CEMIP2: variants seen among roughly 807,000 people sequenced by gnomAD.
CEMIP2 encodes the protein cell migration inducing hyaluronidase 2, also known as cell surface hyaluronidase CEMIP2.
In CEMIP2, 79 loss-of-function variants were observed where a neutral mutation model predicts 146.9. That is an observed-to-expected ratio of 0.54 (90% CI 0.45 to 0.65). CEMIP2 has a LOEUF of 0.65. CEMIP2 is among the 30% of genes least tolerant of loss of function. The pLI, the probability that CEMIP2 is intolerant of heterozygous loss-of-function variation, is 0.00. For missense variants in CEMIP2, 1,596 were observed against 1,696.2 expected (o/e 0.94, Z 1.04); for synonymous variants, 601 against 606.3 (o/e 0.99, Z 0.13).
At position 71,728,283 on chromosome 9, in the gene CEMIP2, A is replaced by G. The variant is rs1347667429; in HGVS notation, c.2049+1562T>C. On this transcript the variant is annotated intron_variant, in intron 10 of 23. Transcript: ENST00000377044. ...CACGTATATATATATATATATATGT[A>G]TATATATATATATATATACATATAT... Among the ~76,000 whole-genome samples, 174 of 25,588 alleles carry G rather than the reference A, an allele frequency of 6.8e-3. 39 individuals carry two copies. The highest frequency in any genetic ancestry group is 0.018 in the African/African-American group (162 of 8,806). The allele number at this position is 25,588 out of a possible 152,430, so 16.8% of individuals were successfully genotyped here. A position where few individuals can be genotyped will look rare whatever the true frequency, so the allele number is the denominator to read the frequency against.
At chr9:71,697,031 T>TA (rs1368653252) in intron 20 of CEMIP2, among the ~76,000 whole-genome samples, 1 of 152,056 alleles carries the variant, frequency 6.6e-6, no homozygotes, top group South Asian at 2.1e-4. Context: ...TATTGCTTTT[T>TA]AAAAAAAATT....
intron 6 of CEMIP2, among the ~76,000 whole-genome samples, chr9:71,733,946 C>T (rs1027235): frequency 0.45 from 68,316 of 151,854 alleles, 18,176 homozygotes; most frequent in East Asian, 0.6. Context: ...TGGGTTCAAG[C>T]GATTCTCCTG....
chr9:71,695,689 CA>C lies in CEMIP2; in HGVS notation c.3598-1083del, dbSNP rs567820334. Reference sequence around the variant, plus strand: ...ACTCCATCTCAAAAAAAACAAAAAACAAAAAATAAACAGTCAAAATGATCCC... The same window carrying C: ...ACTCCATCTCAAAAAAAACAAAAAACAAAAATAAACAGTCAAAATGATCCC... On this transcript the variant is annotated intron_variant, in intron 20 of 23. Coordinates refer to ENST00000377044, the MANE Select transcript of CEMIP2 (RefSeq NM_013390.3). Among the ~76,000 whole-genome samples the C allele has an allele frequency of 6.5e-4, 99 of 152,040 alleles. No homozygotes were observed. In the South Asian group the frequency reaches 0.02, roughly 31 times the overall value.
intron 12 of CEMIP2, among the ~76,000 whole-genome samples, chr9:71,720,311 G>A (rs529984305): frequency 2.3e-4 from 35 of 152,228 alleles, no homozygotes; most frequent in South Asian, 6.2e-4. Context: ...GTTTTTTTGA[G>A]ATGGAGTCTT....
Position 71,730,072 on chromosome 9 carries a change from A to G in CEMIP2, c.1955T>C (p.Ile652Thr), listed in dbSNP as rs774230182. The part of the protein sequence containing the change: ...TMRDKVFGNY[I>T]PVPATDCMAV... ...CATACAGTCAGTAGCAGGCACAGGAATGTAATTTCCAAACACTTTATCTCG... is the reference window on the plus strand; with the variant it reads ...CATACAGTCAGTAGCAGGCACAGGAGTGTAATTTCCAAACACTTTATCTCG... Residue 652 changes from isoleucine (I) to threonine (T), a missense_variant, in exon 9 of 24, where the codon ATT (isoleucine) becomes ACT (threonine). Physicochemically the swap from Ile to Thr is moderately conservative, Grantham distance 89. Transcript: ENST00000377044. 13 of 1,614,234 alleles carry G rather than the reference A, an allele frequency of 8.1e-6. No individual in the cohort carries two copies. Among genetic ancestry groups the G allele is most frequent in the Non-Finnish European group, 1.1e-5 (13 of 1,180,052 alleles).
At chr9:71,737,417 AAAAG>A (rs1391600155) in intron 5 of CEMIP2, among the ~76,000 whole-genome samples, 14 of 152,152 alleles carry the variant, frequency 9.2e-5, no homozygotes, top group Admixed American at 3.3e-4. Flanking sequence ...CAAAAAAAAA[AAAAG>A]AAAGAAAAAG....
At chr9:71,728,260 C>CAT (rs1491328721) in intron 10 of CEMIP2, among the ~76,000 whole-genome samples, 1 of 6,146 alleles carries the variant, frequency 1.6e-4, no homozygotes, top group Admixed American at 2.2e-3. Flanking sequence ...TGTATATACA[C>CAT]GTATATATAT....
intron 2 of CEMIP2, 51 bp from the exon 3 acceptor site, chr9:71,746,392 T>C (rs111489783): frequency 2.5e-6 from 4 of 1,601,626 alleles, no homozygotes; most frequent in East Asian, 2.2e-5. Flanking sequence ...AGGAATAATA[T>C]AGCCGAATCT....
At chr9:71,708,247 G>A (rs1271208287) in intron 17 of CEMIP2, among the ~76,000 whole-genome samples, 1 of 152,074 alleles carries the variant, frequency 6.6e-6, no homozygotes, top group Non-Finnish European at 1.5e-5. Context: ...CAGAGGGTGG[G>A]GGCAGGATCT....
At position 71,690,120 on chromosome 9, in the gene CEMIP2, C is replaced by T. The variant is rs758196332; in HGVS notation, c.3823G>A (p.Glu1275Lys). ...FPLADVSRIE[E>K]YLKTGIPPRS... is the part of the protein sequence containing the mutation. ...GGAGGGATGCCTGTTTTTAAATACTCTTCAATGCGACTGACATCAGCAAGA... is the reference window on the plus strand; with the variant it reads ...GGAGGGATGCCTGTTTTTAAATACTTTTCAATGCGACTGACATCAGCAAGA... The change falls in exon 22 of 24, where the codon GAG becomes AAG. Residue 1275 changes from glutamate (E) to lysine (K), a missense_variant. Glu to Lys is a moderately conservative substitution (Grantham distance 56). Transcript: ENST00000377044. 12 of 1,614,024 alleles carry T rather than the reference C, an allele frequency of 7.4e-6. No homozygotes were observed. Among genetic ancestry groups the T allele is most frequent in the Non-Finnish European group, 9.3e-6 (11 of 1,180,006 alleles).
Position 71,730,125 on chromosome 9 carries a change from A to G in CEMIP2, c.1902T>C (p.Asp634=). The change falls in exon 9 of 24, where the codon GAT becomes GAC. Residue 634 remains aspartate, a synonymous_variant. Transcript: ENST00000377044. ...LTKPGTLLPT[D]RNNSMCTTMR... is the part of the protein sequence containing the mutation. ...TGGTGGTACACATGGAGTTGTTCCTATCGGTGGGCAGGAGAGTACCCGGCT... is the reference window on the plus strand; with the variant it reads ...TGGTGGTACACATGGAGTTGTTCCTGTCGGTGGGCAGGAGAGTACCCGGCT... The G allele has an allele frequency of 6.2e-7, 1 of 1,614,150 alleles. No homozygotes were observed. Among genetic ancestry groups the G allele is most frequent in the Non-Finnish European group, 8.5e-7 (1 of 1,180,048 alleles).
rs886227768 is a variant in CEMIP2, at chr9:71,698,302, A to G, written c.3378-98T>C. On this transcript the variant is annotated intron_variant, in intron 19 of 23. Coordinates refer to ENST00000377044, the MANE Select transcript of CEMIP2 (RefSeq NM_013390.3). ...CATGGCCAAAAGGGATATTCCTCCA[A>G]TTAGTAACTTTTCCTTAAAACATAA... 12 of 954,586 alleles carry G rather than the reference A, an allele frequency of 1.3e-5. No individual in the cohort carries two copies. The Admixed American group carries it at 1.4e-4, about 11-fold the overall frequency. 59.1% of individuals were successfully genotyped at this position (954,586 alleles called of 1,614,324 possible).
chr9:71,761,932 C>T (rs1377432676), intron 1 of CEMIP2, among the ~76,000 whole-genome samples: 1 of 152,020 alleles, frequency 6.6e-6, no homozygotes, highest in Non-Finnish European at 1.5e-5. Flanking sequence ...TGTGCACCAC[C>T]AGACGATTAC....
At chr9:71,758,122 G>C (rs939857359) in intron 1 of CEMIP2, among the ~76,000 whole-genome samples, 1 of 152,124 alleles carries the variant, frequency 6.6e-6, no homozygotes, top group Non-Finnish European at 1.5e-5. Flanking sequence ...CCACTGCAAA[G>C]AATTCAACAT....
At chr9:71,690,706 T>A (rs1016374975) in intron 21 of CEMIP2, among the ~76,000 whole-genome samples, 1 of 152,220 alleles carries the variant, frequency 6.6e-6, no homozygotes, top group African/African-American at 2.4e-5. Flanking sequence ...TCCACAGGAA[T>A]TCCACGTTAG....
intron 5 of CEMIP2, among the ~76,000 whole-genome samples, chr9:71,735,917 G>A (rs778426594): frequency 6.6e-6 from 1 of 152,036 alleles, no homozygotes; most frequent in Non-Finnish European, 1.5e-5. Flanking sequence ...ACAGAGCGAG[G>A]CCCCATCTCT....
intron 10 of CEMIP2, among the ~76,000 whole-genome samples, chr9:71,728,994 C>CT (rs577867428): frequency 0.07 from 10,550 of 150,434 alleles, 520 homozygotes; most frequent in South Asian, 0.19. Flanking sequence ...GTAGGCCTGG[C>CT]TTTTTTTTTG....
intron 1 of CEMIP2, among the ~76,000 whole-genome samples, chr9:71,751,155 G>A (rs944257192): frequency 2.6e-5 from 4 of 152,224 alleles, no homozygotes; most frequent in Admixed American, 6.5e-5. Flanking sequence ...ATGGCATTAC[G>A]TACATTCACA....
At position 71,715,224 on chromosome 9, in the gene CEMIP2, T is replaced by C. The variant is rs934158772; in HGVS notation, c.2436-135A>G. On this transcript the variant is annotated intron_variant, in intron 14 of 23. Transcript: ENST00000377044. The stretch of plus-strand genomic sequence containing the variant: ...AGCTTTTCTAATACACATTCACAAG[T>C]CTTCAGAAACTGCTTTTTTTTTTTT... The C allele has an allele frequency of 7.1e-6, 5 of 703,136 alleles. No homozygotes were observed. In the South Asian group the frequency reaches 9.0e-5, roughly 13 times the overall value. 43.6% of individuals were successfully genotyped at this position (703,136 alleles called of 1,614,324 possible). A position where few individuals can be genotyped will look rare whatever the true frequency, so the allele number is the denominator to read the frequency against.
Sources: gnomAD v4.1 joint callset for allele counts (sites outside exome capture counted in the v4.1 genomes callset) on GRCh38, gnomAD v4.1.1 for gene constraint, MANE v1.5 for transcripts, NCBI Gene and HGNC (gene_info 2026-07-23, HGNC 2026-07-21) for gene names.